The following NTRK3 variants were observed in gnomAD, a reference collection of about 807,000 sequenced individuals.
NTRK3 encodes the protein neurotrophic receptor tyrosine kinase 3.
NTRK3 carries 24 observed loss-of-function variants against 91.7 expected under a neutral mutation model. That is an observed-to-expected ratio of 0.26 (90% CI 0.19 to 0.37). The LOEUF is 0.37. Ranked by LOEUF, NTRK3 falls within the 10% of genes least tolerant of loss-of-function variation. NTRK3 has a pLI of 1.00. For missense variants in NTRK3, 880 were observed against 1,068.9 expected (o/e 0.82, Z 2.46); for synonymous variants, 483 against 404.0 (o/e 1.20, Z -2.34).
At chr15:88,138,544 T>A (rs529439372) in intron 6 of NTRK3, among the ~76,000 whole-genome samples, 7 of 152,162 alleles carry the variant, frequency 4.6e-5, no homozygotes, top group Non-Finnish European at 1.0e-4. Context: ...ATCTCTGACC[T>A]CATCTTCCCT....
intron 14 of NTRK3, among the ~76,000 whole-genome samples, chr15:87,993,211 G>T (rs992161620): frequency 6.6e-6 from 1 of 152,148 alleles, no homozygotes. Context: ...TACCATTTAG[G>T]ATATGATGAG....
chr15:88,209,054 T>C (rs938343697), intron 3 of NTRK3, among the ~76,000 whole-genome samples: 1 of 152,086 alleles, frequency 6.6e-6, no homozygotes, highest in African/African-American at 2.4e-5. Flanking sequence ...GTAATTATAA[T>C]GGAAAAACTA....
exon 19 of NTRK3, chr15:87,866,587 G>A (rs983100228): frequency 3.3e-5 from 6 of 181,084 alleles, no homozygotes. Context: ...TAGTAAATAT[G>A]GTTATTTGTG....
intron 14 of NTRK3, among the ~76,000 whole-genome samples, chr15:87,945,814 A>T (rs2070422639): frequency 6.6e-6 from 1 of 150,716 alleles, no homozygotes; most frequent in African/African-American, 2.4e-5. Flanking sequence ...AAAAAAAAAA[A>T]AAAAAAAAAA....
At chr15:88,138,364 T>C (rs964141260) in intron 6 of NTRK3, among the ~76,000 whole-genome samples, 1 of 151,102 alleles carries the variant, frequency 6.6e-6, no homozygotes, top group African/African-American at 2.4e-5. Context: ...GAGCCGAGAT[T>C]GCACCACTGC....
At chr15:88,063,737 G>A (rs2046410347) in intron 13 of NTRK3, among the ~76,000 whole-genome samples, 2 of 152,228 alleles carry the variant, frequency 1.3e-5, no homozygotes, top group East Asian at 1.9e-4. Flanking sequence ...CGCATGTGGT[G>A]GTGTTCAATG....
intron 14 of NTRK3, chr15:87,981,150 T>G (rs1481568016): frequency 2.6e-6 from 4 of 1,549,892 alleles, no homozygotes; most frequent in Non-Finnish European, 3.5e-6. Context: ...TTGATGAGTC[T>G]TAAGGTCTTA....
At chr15:88,112,534 T>TG (rs2051526564) in intron 13 of NTRK3, among the ~76,000 whole-genome samples, 2 of 85,226 alleles carry the variant, frequency 2.3e-5, no homozygotes, top group African/African-American at 1.9e-4. Context: ...TGCCTGCCAC[T>TG]GCCAGTCTCT....
intron 14 of NTRK3, among the ~76,000 whole-genome samples, chr15:87,952,013 G>C (rs1205962356): frequency 6.6e-6 from 1 of 152,106 alleles, no homozygotes; most frequent in Non-Finnish European, 1.5e-5. Flanking sequence ...TGTAATCCTA[G>C]CTACTCGGGA....
intron 13 of NTRK3, among the ~76,000 whole-genome samples, chr15:88,119,667 G>C (rs951735224): frequency 6.6e-6 from 1 of 152,200 alleles, no homozygotes; most frequent in African/African-American, 2.4e-5. Flanking sequence ...TGTCAATTCA[G>C]AGGAGGAAAT....
intron 17 of NTRK3, among the ~76,000 whole-genome samples, 199 bp from the exon 19 acceptor site, chr15:87,880,627 C>G (rs1057398221): frequency 6.6e-6 from 1 of 152,142 alleles, no homozygotes; most frequent in Non-Finnish European, 1.5e-5. Flanking sequence ...AGACTAGCAA[C>G]TAGAGGTAAC....
At chr15:88,192,202 G>A (rs972094853) in intron 3 of NTRK3, among the ~76,000 whole-genome samples, 1 of 152,202 alleles carries the variant, frequency 6.6e-6, no homozygotes, top group Non-Finnish European at 1.5e-5. Context: ...AAGATGCTGT[G>A]TCTCCTAACA....
At chr15:88,003,560 T>C (rs185678141) in intron 14 of NTRK3, among the ~76,000 whole-genome samples, 1 of 152,326 alleles carries the variant, frequency 6.6e-6, no homozygotes, top group Admixed American at 6.5e-5. Context: ...CAATGTTACA[T>C]GGTTACCAGG....
chr15:87,974,861 T>C (rs2073581294), intron 14 of NTRK3, among the ~76,000 whole-genome samples: 1 of 152,184 alleles, frequency 6.6e-6, no homozygotes. Context: ...AAGACTTCTC[T>C]GTCTTAGGAG....
intron 14 of NTRK3, among the ~76,000 whole-genome samples, chr15:87,992,377 C>T (rs1223938902): frequency 6.6e-6 from 1 of 152,176 alleles, no homozygotes; most frequent in African/African-American, 2.4e-5. Flanking sequence ...TTATTTTTCT[C>T]ATCCAATTGC....
chr15:88,113,307 A>AT (rs1156651767), intron 13 of NTRK3, among the ~76,000 whole-genome samples: 1 of 100,844 alleles, frequency 9.9e-6, no homozygotes, highest in East Asian at 2.5e-4. Context: ...CTGCTGATCA[A>AT]TTTCTTTTTT....
chr15:87,976,149 T>C (rs1239527898), intron 14 of NTRK3, among the ~76,000 whole-genome samples: 3 of 152,250 alleles, frequency 2.0e-5, no homozygotes, highest in South Asian at 2.1e-4. Context: ...CCAGTGCATG[T>C]CCTCATGGTC....
chr15:88,139,706 G>T (rs1383028457), intron 6 of NTRK3, among the ~76,000 whole-genome samples: 1 of 152,126 alleles, frequency 6.6e-6, no homozygotes, highest in African/African-American at 2.4e-5. Flanking sequence ...GGCCCTCTCT[G>T]ATGTTTGGAG....
At chr15:88,105,091 C>T (rs1259898682) in intron 13 of NTRK3, among the ~76,000 whole-genome samples, 1 of 152,154 alleles carries the variant, frequency 6.6e-6, no homozygotes, top group Non-Finnish European at 1.5e-5. Context: ...CATTCATCTT[C>T]CCAAATGACT....
Sources: gnomAD v4.1 joint callset for allele counts (sites outside exome capture counted in the v4.1 genomes callset) on GRCh38, gnomAD v4.1.1 for gene constraint, MANE v1.5 for transcripts, NCBI Gene and HGNC (gene_info 2026-07-23, HGNC 2026-07-21) for gene names.